RPL7: variants seen among roughly 807,000 people sequenced by gnomAD.
RPL7 encodes ribosomal protein L7.
For synonymous variants in RPL7, 100 were observed against 102.2 expected, an observed-to-expected ratio of 0.98 and a Z score of 0.13; for missense variants, 205 against 301.9, an observed-to-expected ratio of 0.68 and a Z score of 2.38.
At position 73,291,054 on chromosome 8, in the gene RPL7, C is replaced by G. The variant is rs756012660; in HGVS notation, c.737G>C (p.Arg246Thr). 5 of 1,608,552 alleles carry G rather than the reference C, an allele frequency of 3.1e-6. No individual in the cohort carries two copies. In the South Asian group the frequency reaches 5.5e-5, roughly 18 times the overall value. Residue 246 changes from arginine (R) to threonine (T), a missense_variant, in exon 6 of 7, where the codon AGA becomes ACA. Physicochemically the swap from Arg to Thr is moderately conservative, Grantham distance 71. Coordinates refer to ENST00000352983, the MANE Select transcript of RPL7 (RefSeq NM_000971.4). ...ATGAGGTCTCTCACCTTAGTTCATTCTTCTAATAAGCCTGTTGATCTGGTC... is the reference window on the plus strand; with the variant it reads ...ATGAGGTCTCTCACCTTAGTTCATTGTTCTAATAAGCCTGTTGATCTGGTC... ...REDQINRLIR[R>T]MN
At chr8:73,292,483 C>A (rs2130342417) in intron 2 of RPL7, 78 bp from the exon 3 acceptor site, 1 of 1,335,500 alleles carries the variant, frequency 7.5e-7, no homozygotes, top group Non-Finnish European at 1.0e-6. Context: ...AAGAAAACTA[C>A]AACATGTTTC....
At chr8:73,293,527 G>C in intron 1 of RPL7, 72 bp downstream of exon 1, 1 of 1,588,090 alleles carries the variant, frequency 6.3e-7, no homozygotes. Flanking sequence ...GCCAGAGAGA[G>C]AAAAAGTGAC....
intron 1 of RPL7, chr8:73,293,396 C>G: frequency 1.7e-6 from 1 of 582,652 alleles, no homozygotes; most frequent in Non-Finnish European, 3.1e-6. Flanking sequence ...ACATCTCGTT[C>G]CCGGGATCTC....
At chr8:73,292,860 C>A (rs998940433) in intron 1 of RPL7, 63 bp from the exon 2 acceptor site, 1 of 1,198,538 alleles carries the variant, frequency 8.3e-7, no homozygotes, top group African/African-American at 1.5e-5. Context: ...GTATTACTCC[C>A]GTACTGAGCA....
At chr8:73,292,197 T>C in intron 3 of RPL7, 42 bp downstream of exon 3, 3 of 1,548,186 alleles carry the variant, frequency 1.9e-6, no homozygotes, top group Non-Finnish European at 2.6e-6. Flanking sequence ...GGTTTTTTTT[T>C]TTTTTCCCAT....
At chr8:73,293,684 A>G (rs141967401), upstream of RPL7, 590 of 1,583,520 alleles carry the variant, frequency 3.7e-4, 3 homozygotes, top group African/African-American at 6.6e-3. Flanking sequence ...GAGAAGCCCC[A>G]CGACTCATAG....
upstream of RPL7, chr8:73,293,707 A>G (rs984070946): frequency 2.0e-5 from 30 of 1,499,382 alleles, 1 homozygote; most frequent in Admixed American, 2.9e-4. Flanking sequence ...GTCTTAGAAT[A>G]AGCCGGAAAA....
upstream of RPL7, chr8:73,293,952 T>TG (rs1814181977): frequency 3.7e-6 from 1 of 270,384 alleles, no homozygotes; most frequent in African/African-American, 2.2e-5. Context: ...ACGAGCCTCA[T>TG]GGGGACGAAC....
intron 3 of RPL7, 144 bp from the exon 4 acceptor site, chr8:73,292,054 G>A: frequency 1.6e-6 from 2 of 1,256,440 alleles, no homozygotes; most frequent in Admixed American, 2.1e-5. Flanking sequence ...ATTCTATTAA[G>A]AGAAGGGATA....
rs753592188 is a variant in RPL7, at chr8:73,292,395, G to A, written c.134C>T (p.Ala45Val). The A allele has an allele frequency of 2.5e-6, 4 of 1,594,414 alleles. No homozygotes were observed. Among genetic ancestry groups the A allele is most frequent in the South Asian group, 1.1e-5 (1 of 89,416 alleles). ...KKFAQKMLRKARRKLIYEKAK... is the reference protein window; with the variant it reads ...KKFAQKMLRKVRRKLIYEKAK... ...TTTTTCATAGATAAGCTTCCTCCTT[G>A]CCTTTCGAAGCTGAAAACCAATAAT... The change falls in exon 3 of 7, where the codon GCA becomes GTA. Residue 45 changes from alanine to valine, a missense_variant. Physicochemically the swap from Ala to Val is moderately conservative, Grantham distance 64. Coordinates refer to ENST00000352983, the MANE Select transcript of RPL7 (RefSeq NM_000971.4).
upstream of RPL7, chr8:73,293,686 G>T (rs112871233): frequency 3.6e-5 from 57 of 1,572,520 alleles, 1 homozygote; most frequent in African/African-American, 5.0e-4. Flanking sequence ...GAAGCCCCAC[G>T]ACTCATAGGT....
At chr8:73,292,621 C>A in intron 2 of RPL7, 68 bp downstream of exon 2, 1 of 1,218,328 alleles carries the variant, frequency 8.2e-7, no homozygotes, top group East Asian at 2.3e-5. Context: ...TTGCCAAGAA[C>A]ATTCACCTCA....
At position 73,292,935 on chromosome 8, in the gene RPL7, C is replaced by T. The variant is rs1043338436; in HGVS notation, c.15-138G>A. On this transcript the variant is annotated intron_variant, in intron 1 of 6. Transcript: ENST00000352983. ...TAGTAACTTTACTTGCTCTGGCATG[C>T]TACAGTGTACGATGCATATTTTAGC... 2.5e-5 allele frequency: 15 copies of T among 610,988 alleles called. No individual in the cohort carries two copies. In the South Asian group the frequency reaches 3.0e-4, roughly 12 times the overall value. The allele number at this position is 610,988 out of a possible 1,614,324, so 37.8% of individuals were successfully genotyped here. A position where few individuals can be genotyped will look rare whatever the true frequency, so the allele number is the denominator to read the frequency against.
chr8:73,291,728 A>G (rs1190274684), intron 4 of RPL7, 45 bp downstream of exon 4: 4 of 1,592,908 alleles, frequency 2.5e-6, no homozygotes, highest in African/African-American at 2.7e-5. Context: ...ATGTTGCTAC[A>G]TAACCAATTT....
At position 73,292,588 on chromosome 8, in the gene RPL7, T is replaced by G. The variant is rs915843635; in HGVS notation, c.123+101A>C. The G allele has an allele frequency of 6.6e-6, 7 of 1,057,542 alleles. No homozygotes were observed. In the East Asian group the frequency reaches 1.7e-4, roughly 25 times the overall value. 65.5% of individuals were successfully genotyped at this position (1,057,542 alleles called of 1,614,324 possible). ...TAACATTAGGTAGCTAAGCAATTAC[T>G]CAGTACAGTTAGGAAGTAAATCTTG... On this transcript the variant is annotated intron_variant, in intron 2 of 6. Coordinates refer to ENST00000352983, the MANE Select transcript of RPL7 (RefSeq NM_000971.4).
At chr8:73,292,056 G>A (rs1814109898) in intron 3 of RPL7, 146 bp from the exon 4 acceptor site, 5 of 1,230,836 alleles carry the variant, frequency 4.1e-6, no homozygotes, top group South Asian at 2.9e-5. Flanking sequence ...TCTATTAAGA[G>A]AAGGGATAGG....
chr8:73,293,381 A>G (rs1458809771), intron 1 of RPL7: 7 of 551,708 alleles, frequency 1.3e-5, no homozygotes, highest in Non-Finnish European at 1.9e-5. Flanking sequence ...ACACATTCCA[A>G]CCCGACATCT....
intron 5 of RPL7, 29 bp downstream of exon 5, chr8:73,291,523 T>C (rs1814096625): frequency 1.3e-6 from 2 of 1,515,822 alleles, no homozygotes; most frequent in Non-Finnish European, 1.8e-6. Flanking sequence ...CATGGTCTAA[T>C]ACCAAATTTT....
At chr8:73,291,474 G>A (rs937305697) in intron 5 of RPL7, 78 bp downstream of exon 5, 1 of 1,083,394 alleles carries the variant, frequency 9.2e-7, no homozygotes, top group East Asian at 2.5e-5. Context: ...ATTCACAATA[G>A]TGAGAAATGT....
Sources: gnomAD v4.1 joint callset for allele counts on GRCh38, gnomAD v4.1.1 for gene constraint, MANE v1.5 for transcripts, NCBI Gene and HGNC (gene_info 2026-07-23, HGNC 2026-07-21) for gene names.